Variants in TNFRSF8 observed in about 807,000 individuals in gnomAD.
The protein encoded by TNFRSF8 is TNF receptor superfamily member 8, also known as tumor necrosis factor receptor superfamily member 8.
Under a neutral mutation model 70.8 loss-of-function variants are expected in TNFRSF8, and 26 were observed. The ratio of observed to expected loss-of-function variants is 0.37; its 90% CI spans 0.27 to 0.51. TNFRSF8 has a LOEUF of 0.51. Ranked by LOEUF, TNFRSF8 falls within the 20% of genes least tolerant of loss-of-function variation. The pLI, the probability that TNFRSF8 is intolerant of heterozygous loss-of-function variation, is 0.94. For missense variants in TNFRSF8, 720 were observed against 807.9 expected (o/e 0.89, Z 1.32); for synonymous variants, 356 against 339.2 (o/e 1.05, Z -0.54).
intron 1 of TNFRSF8, 26 bp from the exon 2 acceptor site, chr1:12,084,438 C>T: frequency 6.2e-7 from 1 of 1,609,098 alleles, no homozygotes. Flanking sequence ...ATCCACCTGG[C>T]CTCACCAGCT....
At chr1:12,128,833 CTT>C (rs60878706) in intron 12 of TNFRSF8, among the ~76,000 whole-genome samples, 20 of 111,768 alleles carry the variant, frequency 1.8e-4, no homozygotes, top group South Asian at 8.6e-4. Context: ...GTCTAAAATT[CTT>C]TTTTTTTTTT....
At position 12,123,766 on chromosome 1, in the gene TNFRSF8, G is replaced by T; in HGVS notation, c.1092G>T (p.Leu364=). The T allele has an allele frequency of 6.3e-7, 1 of 1,580,998 alleles. No individual in the cohort carries two copies. Among genetic ancestry groups the T allele is most frequent in the Admixed American group, 1.8e-5 (1 of 55,422 alleles). Residue 364 remains leucine (L), a synonymous_variant, in exon 10 of 15, where the codon CTG becomes CTT. Coordinates refer to ENST00000263932, the MANE Select transcript of TNFRSF8 (RefSeq NM_001243.5). ...LLVDSQASKT[L]PIPTSAPVAL... Reference sequence around the variant, plus strand: ...TGGACTCCCAGGCCAGTAAGACGCTGCCCATCCCAACCAGCGCTCCCGTCG... The same window carrying T: ...TGGACTCCCAGGCCAGTAAGACGCTTCCCATCCCAACCAGCGCTCCCGTCG...
rs374986337 is a variant in TNFRSF8, at chr1:12,119,490, C to T, written c.946+3761C>T. On this transcript the variant is annotated intron_variant, in intron 8 of 14. Coordinates refer to ENST00000263932, the MANE Select transcript of TNFRSF8 (RefSeq NM_001243.5). The surrounding 1 kb of genome is among the most constrained non-coding windows in gnomAD (Gnocchi z 4.4). ...CACCACCATGATTTTATCTACCTGC[C>T]GGTTGATGGCATTTGGGTTGTTTCC... 1.1e-4 allele frequency among the ~76,000 whole-genome samples: 17 copies of T among 151,498 alleles called. No homozygotes were observed. The highest frequency in any genetic ancestry group is 1.8e-4 in the Non-Finnish European group (12 of 67,982).
chr1:12,123,912 TCTC>T (rs752113061), intron 10 of TNFRSF8, 85 bp downstream of exon 10: 14 of 1,219,604 alleles, frequency 1.1e-5, no homozygotes, highest in Non-Finnish European at 1.6e-5. Flanking sequence ...GGAGGGAGCT[TCTC>T]CTTTGTGGGT....
At chr1:12,085,225 C>G (rs778851081) in intron 2 of TNFRSF8, among the ~76,000 whole-genome samples, 20 of 152,166 alleles carry the variant, frequency 1.3e-4, no homozygotes, top group Non-Finnish European at 2.8e-4. Context: ...ATTCTCCTGA[C>G]TCAGCTTCCC....
chr1:12,113,623 G>A lies in TNFRSF8; in HGVS notation c.793+1609G>A, dbSNP rs1383245676. On this transcript the variant is annotated intron_variant, in intron 7 of 14. Transcript: ENST00000263932. This position sits in a 1 kb window ranked among gnomAD's most constrained non-coding sequence, Gnocchi z 4.9. ...AGAGAGTGAGAGAGAGACAGAAAGA[G>A]GGAGAGAGAGAGACAGAAAGAGAAA... Among the ~76,000 whole-genome samples the A allele has an allele frequency of 6.6e-6, 1 of 151,818 alleles. No homozygotes were observed. Among genetic ancestry groups the A allele is most frequent in the Non-Finnish European group, 1.5e-5 (1 of 67,954 alleles).
intron 1 of TNFRSF8, among the ~76,000 whole-genome samples, chr1:12,068,442 C>A (rs370999357): frequency 8.0e-4 from 122 of 152,220 alleles, no homozygotes; most frequent in African/African-American, 2.7e-3. Context: ...ACTAGACACG[C>A]AGAATGTCAA....
intron 1 of TNFRSF8, among the ~76,000 whole-genome samples, chr1:12,069,120 C>G (rs1456608079): frequency 6.7e-6 from 1 of 150,036 alleles, no homozygotes; most frequent in Non-Finnish European, 1.5e-5. Context: ...ATCCACCCGC[C>G]TCGGCCTTTC....
intron 12 of TNFRSF8, among the ~76,000 whole-genome samples, chr1:12,132,704 G>A (rs533783465): frequency 1.3e-5 from 2 of 152,140 alleles, no homozygotes; most frequent in East Asian, 3.9e-4. Flanking sequence ...CGGGTGTCAT[G>A]ACACGCACCT....
chr1:12,100,881 C>T (rs547736153), intron 3 of TNFRSF8, among the ~76,000 whole-genome samples: 100 of 151,328 alleles, frequency 6.6e-4, no homozygotes, highest in African/African-American at 1.7e-3. Flanking sequence ...TGCTTGAACC[C>T]GGGAGGCGGA....
rs953767037 is a variant in TNFRSF8 at position 12,113,420 on chromosome 1, G to A, written c.793+1406G>A. 6.6e-6 allele frequency among the ~76,000 whole-genome samples: 1 copy of A among 152,060 alleles called. No individual in the cohort carries two copies. Among genetic ancestry groups the A allele is most frequent in the Non-Finnish European group, 1.5e-5 (1 of 68,010 alleles). On this transcript the variant is annotated intron_variant, in intron 7 of 14. Transcript: ENST00000263932. This position sits in a 1 kb window ranked among gnomAD's most constrained non-coding sequence, Gnocchi z 4.9. The stretch of plus-strand genomic sequence containing the variant: ...AACTCCTGGCCTCAAGTGATCCGCC[G>A]GCCTTGGCCTCCCAAAGTGTTGGAA...
At position 12,112,674 on chromosome 1, in the gene TNFRSF8, G is replaced by T. The variant is rs992479215; in HGVS notation, c.793+660G>T. Among the ~76,000 whole-genome samples, 1 of 152,136 alleles carries T rather than the reference G, an allele frequency of 6.6e-6. No individual in the cohort carries two copies. The highest frequency in any genetic ancestry group is 1.5e-5 in the Non-Finnish European group (1 of 68,024). ...GCTTCCTAAATTGCTGGGATTATAG[G>T]CATGAGCCACCATGCCCGGCCTGCG... On this transcript the variant is annotated intron_variant, in intron 7 of 14. Transcript: ENST00000263932. This position sits in a 1 kb window ranked among gnomAD's most constrained non-coding sequence, Gnocchi z 5.3.
In TNFRSF8 at chr1:12,115,736, A is replaced by G. The variant is rs1215454463; in HGVS notation, c.946+7A>G. 1 of 1,613,082 alleles carries G rather than the reference A, an allele frequency of 6.2e-7. No homozygotes were observed. Among genetic ancestry groups the G allele is most frequent in the Non-Finnish European group, 8.5e-7 (1 of 1,179,298 alleles). On this transcript the variant is annotated splice_region_variant and intron_variant, in intron 8 of 14. Coordinates refer to ENST00000263932, the MANE Select transcript of TNFRSF8 (RefSeq NM_001243.5). ...ACGGTCACCAAGCCCCAGGGTAAGC[A>G]GTTCCCACCCCAGGCCTCGACCACA...
chr1:12,083,213 G>A (rs529308751), intron 1 of TNFRSF8, among the ~76,000 whole-genome samples: 19 of 152,332 alleles, frequency 1.2e-4, no homozygotes, highest in African/African-American at 4.6e-4. Context: ...GCAGGGAAGT[G>A]CCTACTAGTA....
intron 1 of TNFRSF8, among the ~76,000 whole-genome samples, chr1:12,077,516 A>G (rs753279853): frequency 2.0e-5 from 3 of 152,228 alleles, no homozygotes. Flanking sequence ...CAAAGAAACA[A>G]GACCTCAGTC....
intron 2 of TNFRSF8, among the ~76,000 whole-genome samples, 169 bp from the exon 3 acceptor site, chr1:12,096,932 C>T (rs183761668): frequency 6.9e-4 from 105 of 152,320 alleles, no homozygotes; most frequent in African/African-American, 2.4e-3. Context: ...CGAGGGTTGC[C>T]CCTCCTGGGT....
intron 1 of TNFRSF8, among the ~76,000 whole-genome samples, chr1:12,073,752 C>T (rs2100949548): frequency 6.6e-6 from 1 of 151,826 alleles, no homozygotes; most frequent in Middle Eastern, 3.4e-3. Flanking sequence ...CACCACCACG[C>T]CTGGCTAATT....
At chr1:12,129,985 ACCCCCGCCTCCTGGGTT>A (rs1642018597) in intron 12 of TNFRSF8, among the ~76,000 whole-genome samples, 1 of 149,660 alleles carries the variant, frequency 6.7e-6, no homozygotes, top group Non-Finnish European at 1.5e-5. Flanking sequence ...GCTTACTGCA[ACCCCCGCCTCCTGGGTT>A]CAAGCAATTC....
At chr1:12,125,886 TG>T in intron 10 of TNFRSF8, 64 bp from the exon 11 acceptor site, 1 of 1,310,700 alleles carries the variant, frequency 7.6e-7, no homozygotes. Context: ...GGAAGTCGTC[TG>T]GGGCTGGGGC....
Sources: allele counts gnomAD v4.1 joint callset (sites outside exome capture counted in the v4.1 genomes callset), GRCh38; gene constraint gnomAD v4.1.1; non-coding constraint Gnocchi (gnomAD v3.1); transcripts MANE v1.5; gene names NCBI Gene and HGNC (gene_info 2026-07-23, HGNC 2026-07-21).